Variants in DNAJC1 observed in about 807,000 individuals in gnomAD.
DNAJC1 encodes the protein dnaJ homolog subfamily C member 1.
In DNAJC1, 58 loss-of-function variants were observed where a neutral mutation model predicts 76.6. The ratio of observed to expected loss-of-function variants is 0.76; its 90% confidence interval spans 0.61 to 0.94. The LOEUF is 0.94. Among genes scored for constraint, DNAJC1 ranks in the 40% least tolerant of loss-of-function variants. The probability of loss-of-function intolerance (pLI) is 0.00; values close to 1 mark genes in which losing one functional copy is unlikely to be tolerated. For synonymous variants in DNAJC1, 258 were observed against 267.9 expected, an observed-to-expected ratio of 0.96 and a Z score of 0.36; for missense variants, 689 against 677.3, an observed-to-expected ratio of 1.02 and a Z score of -0.19.
At chr10:21,865,373 T>C (rs973743447) in intron 8 of DNAJC1, 4 of 152,050 alleles carry the variant, frequency 2.6e-5, no homozygotes, top group African/African-American at 4.8e-5. Flanking sequence ...ACTCATACAA[T>C]AGAATATTAC....
rs543299635 is a variant in DNAJC1, at chr10:21,909,069, G to C, written c.730-4457C>G. Among the ~76,000 whole-genome samples, 5 of 152,202 alleles carry C rather than the reference G, an allele frequency of 3.3e-5. No individual in the cohort carries two copies. The South Asian group carries it at 1.0e-3, about 32-fold the overall frequency. On this transcript the variant is annotated intron_variant, in intron 6 of 11. Coordinates refer to ENST00000376980, the MANE Select transcript of DNAJC1 (RefSeq NM_022365.4). ...GTCTGGCTAATTTTTGTATTTTTTA[G>C]TAGAGACGGGGTTTTGCCATGTTGG... is the stretch of plus-strand genomic sequence containing the variant.
chr10:21,818,076 A>G (rs1310210482), intron 8 of DNAJC1, among the ~76,000 whole-genome samples: 3 of 152,202 alleles, frequency 2.0e-5, no homozygotes, highest in Non-Finnish European at 2.9e-5. Flanking sequence ...TTAAACTCTG[A>G]CCGCTGGTGA....
intron 1 of DNAJC1, among the ~76,000 whole-genome samples, chr10:22,001,123 A>C (rs1203766406): frequency 6.6e-6 from 1 of 152,222 alleles, no homozygotes; most frequent in African/African-American, 2.4e-5. Context: ...CCCAATGCTT[A>C]AAATCCAATA....
At chr10:21,932,035 A>T (rs1036611753) in intron 1 of DNAJC1, among the ~76,000 whole-genome samples, 1 of 152,140 alleles carries the variant, frequency 6.6e-6, no homozygotes, top group African/African-American at 2.4e-5. Context: ...AAAACAAAAC[A>T]AAACGAAAAA....
intron 4 of DNAJC1, among the ~76,000 whole-genome samples, chr10:21,920,204 C>G (rs902468758): frequency 6.6e-6 from 1 of 151,998 alleles, no homozygotes; most frequent in Non-Finnish European, 1.5e-5. Context: ...CTCACTTTTT[C>G]TCATTCATCC....
intron 7 of DNAJC1, among the ~76,000 whole-genome samples, chr10:21,894,590 A>G (rs954813111): frequency 1.4e-4 from 21 of 152,334 alleles, no homozygotes; most frequent in African/African-American, 5.0e-4. Context: ...AAAAGAAAAC[A>G]GAAGAGGAGA....
intron 8 of DNAJC1, among the ~76,000 whole-genome samples, chr10:21,824,494 T>C (rs1589997047): frequency 6.6e-6 from 1 of 152,328 alleles, no homozygotes; most frequent in East Asian, 1.9e-4. Context: ...AGTAAGGCTG[T>C]ATAAGTTGAA....
intron 8 of DNAJC1, among the ~76,000 whole-genome samples, chr10:21,814,523 G>C (rs868448905): frequency 6.6e-6 from 1 of 152,230 alleles, no homozygotes; most frequent in Non-Finnish European, 1.5e-5. Context: ...TCACTTGGGA[G>C]ATAAGGGGGC....
At chr10:21,792,294 A>G (rs1003822708) in intron 9 of DNAJC1, among the ~76,000 whole-genome samples, 3 of 152,242 alleles carry the variant, frequency 2.0e-5, no homozygotes, top group Non-Finnish European at 4.4e-5. Flanking sequence ...TACTCAAAGA[A>G]GATATAATAA....
intron 1 of DNAJC1, among the ~76,000 whole-genome samples, chr10:21,969,223 CA>C (rs561143181): frequency 0.64 from 55,930 of 87,098 alleles, 15,208 homozygotes; most frequent in East Asian, 0.86. Context: ...GACTCCATTT[CA>C]AAAAAAAAAA....
rs1338290273 is a variant in DNAJC1, at chr10:21,812,060, AT to A, written c.979-5962del. ...ATTTGCATTTCCCAGATGACAAATG[AT>A]TTTTTTTTTTTTTTTGAGATGGAGT... On this transcript the variant is annotated intron_variant, in intron 8 of 11. Transcript: ENST00000376980. Among the ~76,000 whole-genome samples, 723 of 141,290 alleles carry A rather than the reference AT, an allele frequency of 5.1e-3. 2 individuals are homozygous for A. The highest frequency in any genetic ancestry group is 7.3e-3 in the African/African-American group (281 of 38,688). The allele number at this position is 141,290 out of a possible 152,430, so 92.7% of individuals were successfully genotyped here.
At chr10:21,776,551 T>C (rs1171556194) in intron 9 of DNAJC1, among the ~76,000 whole-genome samples, 5 of 152,224 alleles carry the variant, frequency 3.3e-5, no homozygotes, top group African/African-American at 1.2e-4. Flanking sequence ...CATGTTCTGT[T>C]ACCTGAACAT....
intron 8 of DNAJC1, among the ~76,000 whole-genome samples, chr10:21,855,149 G>A (rs546660747): frequency 3.3e-5 from 5 of 152,114 alleles, no homozygotes; most frequent in East Asian, 3.9e-4. Flanking sequence ...CAATACTGAC[G>A]GAGTTAAAAT....
intron 8 of DNAJC1, among the ~76,000 whole-genome samples, chr10:21,875,568 T>C (rs1836173735): frequency 6.6e-6 from 1 of 152,256 alleles, no homozygotes; most frequent in South Asian, 2.1e-4. Flanking sequence ...TATTCTATAT[T>C]GTATTGGAGA....
chr10:21,907,950 C>A (rs1836773846), intron 6 of DNAJC1, among the ~76,000 whole-genome samples: 1 of 142,030 alleles, frequency 7.0e-6, no homozygotes. Context: ...TGAACTCCAG[C>A]ATGGGCCACA....
chr10:21,793,993 G>A (rs1488583682), intron 9 of DNAJC1, among the ~76,000 whole-genome samples: 1 of 152,072 alleles, frequency 6.6e-6, no homozygotes, highest in African/African-American at 2.4e-5. Context: ...AAACAATTCT[G>A]GCAGGGCAAG....
chr10:21,917,216 C>A (rs1836971685), intron 6 of DNAJC1, among the ~76,000 whole-genome samples: 1 of 151,886 alleles, frequency 6.6e-6, no homozygotes, highest in African/African-American at 2.4e-5. Flanking sequence ...TGAGGCAAAA[C>A]AATCAATCTA....
chr10:21,882,885 A>G (rs950379726), intron 7 of DNAJC1, among the ~76,000 whole-genome samples: 1 of 152,148 alleles, frequency 6.6e-6, no homozygotes, highest in South Asian at 2.1e-4. Context: ...ATATTTTACA[A>G]AGGTGAAATA....
chr10:21,967,958 T>G (rs148776996), intron 1 of DNAJC1, among the ~76,000 whole-genome samples: 1 of 152,230 alleles, frequency 6.6e-6, no homozygotes, highest in Non-Finnish European at 1.5e-5. Context: ...CAGCCATATA[T>G]CTATACAACT....
Sources: gnomAD v4.1 joint callset for allele counts (sites outside exome capture counted in the v4.1 genomes callset) on GRCh38, gnomAD v4.1.1 for gene constraint, MANE v1.5 for transcripts, NCBI Gene and HGNC (gene_info 2026-07-23, HGNC 2026-07-21) for gene names.